The following CENPP variants were observed in gnomAD, a reference collection of about 807,000 sequenced individuals.
CENPP encodes the protein centromere protein P.
CENPP carries 24 observed loss-of-function variants against 35.6 expected under a neutral mutation model. That is an observed-to-expected ratio of 0.67 (90% CI 0.49 to 0.95). The LOEUF (loss-of-function observed/expected upper bound fraction) is 0.95. CENPP is among the 40% of genes least tolerant of loss of function. The pLI is 0.00. For synonymous variants in CENPP, 120 were observed against 125.5 expected (o/e 0.96, Z 0.29); for missense variants, 332 against 345.3 (o/e 0.96, Z 0.31).
intron 5 of CENPP, among the ~76,000 whole-genome samples, chr9:92,494,501 C>A (rs924356097): frequency 3.3e-5 from 5 of 152,146 alleles, no homozygotes; most frequent in African/African-American, 9.7e-5. Context: ...TCCTAACAAC[C>A]TGCTATAAGT....
At chr9:92,441,849 G>A (rs1040947552) in intron 5 of CENPP, among the ~76,000 whole-genome samples, 6 of 152,116 alleles carry the variant, frequency 3.9e-5, no homozygotes, top group Non-Finnish European at 7.4e-5. Context: ...ACAGACAAAC[G>A]AGTTTAAAAA....
intron 5 of CENPP, among the ~76,000 whole-genome samples, chr9:92,603,380 T>A (rs1272189798): frequency 1.3e-5 from 2 of 152,224 alleles, no homozygotes; most frequent in Non-Finnish European, 2.9e-5. Context: ...TGAGGGCAGA[T>A]CATTGTTCTT....
chr9:92,330,666 A>T (rs1840713356), intron 1 of CENPP, among the ~76,000 whole-genome samples: 1 of 149,552 alleles, frequency 6.7e-6, no homozygotes, highest in Admixed American at 6.7e-5. Flanking sequence ...AAAAAAGTTT[A>T]AGTTTTTTTT....
At chr9:92,441,563 A>T (rs1844387536) in intron 5 of CENPP, among the ~76,000 whole-genome samples, 1 of 152,166 alleles carries the variant, frequency 6.6e-6, no homozygotes, top group South Asian at 2.1e-4. Context: ...GTTCAAGACC[A>T]GCCTGAGCAA....
intron 5 of CENPP, among the ~76,000 whole-genome samples, chr9:92,519,389 A>ATCTCAC (rs1006237629): frequency 2.6e-4 from 40 of 152,296 alleles, no homozygotes; most frequent in African/African-American, 9.6e-4. Context: ...AAAGTTGGAG[A>ATCTCAC]TCTCACACTT....
At chr9:92,408,623 G>T (rs1242552696) in intron 5 of CENPP, among the ~76,000 whole-genome samples, 1 of 152,076 alleles carries the variant, frequency 6.6e-6, no homozygotes, top group Non-Finnish European at 1.5e-5. Flanking sequence ...CTGCACTACT[G>T]ACATTTTGGA....
intron 5 of CENPP, among the ~76,000 whole-genome samples, chr9:92,465,271 AT>A (rs1845262586): frequency 6.6e-6 from 1 of 152,232 alleles, no homozygotes; most frequent in Non-Finnish European, 1.5e-5. Flanking sequence ...TTCACTTTGA[AT>A]TACCATATCA....
intron 5 of CENPP, among the ~76,000 whole-genome samples, chr9:92,492,133 A>G (rs1295547948): frequency 6.6e-6 from 1 of 152,206 alleles, no homozygotes; most frequent in African/African-American, 2.4e-5. Context: ...CCCCACCTAA[A>G]TTAGTAAAAT....
chr9:92,560,017 A>G (rs1172839391), intron 5 of CENPP, among the ~76,000 whole-genome samples: 2 of 152,102 alleles, frequency 1.3e-5, no homozygotes, highest in East Asian at 1.9e-4. Context: ...GCACATAACT[A>G]TAGTCCCTGC....
intron 5 of CENPP, chr9:92,600,309 T>C: frequency 1.3e-6 from 2 of 1,488,268 alleles, no homozygotes; most frequent in Non-Finnish European, 1.8e-6. Context: ...CCATTATTCA[T>C]GCTTGCATTT....
intron 5 of CENPP, among the ~76,000 whole-genome samples, chr9:92,536,382 T>C (rs918857561): frequency 1.3e-5 from 2 of 152,156 alleles, no homozygotes; most frequent in African/African-American, 2.4e-5. Context: ...AGGGATGATA[T>C]TCTCGTCAGC....
intron 5 of CENPP, among the ~76,000 whole-genome samples, chr9:92,583,629 T>G (rs914802083): frequency 2.1e-5 from 3 of 145,808 alleles, no homozygotes; most frequent in Admixed American, 2.0e-4. Flanking sequence ...AGGAGTGGGG[T>G]TTTTTTTTTC....
chr9:92,501,195 T>G (rs1846651001), intron 5 of CENPP: 2 of 829,038 alleles, frequency 2.4e-6, no homozygotes, highest in Non-Finnish European at 3.7e-6. Flanking sequence ...TAGGAACTTT[T>G]CCAGGTATAG....
At chr9:92,549,139 A>T (rs908733564) in intron 5 of CENPP, among the ~76,000 whole-genome samples, 5 of 152,292 alleles carry the variant, frequency 3.3e-5, no homozygotes, top group Non-Finnish European at 7.3e-5. Flanking sequence ...CTGCGGAGGG[A>T]GACAGAAGAG....
At chr9:92,443,485 G>T (rs1374259604) in intron 5 of CENPP, among the ~76,000 whole-genome samples, 2 of 152,080 alleles carry the variant, frequency 1.3e-5, no homozygotes, top group African/African-American at 4.8e-5. Flanking sequence ...TTGCTAAGAT[G>T]CCAGTTCTCT....
At chr9:92,514,904 C>G (rs1170604357) in intron 5 of CENPP, 6 of 1,613,568 alleles carry the variant, frequency 3.7e-6, no homozygotes, top group Non-Finnish European at 5.1e-6. Context: ...TGCTGGTGTG[C>G]CAGCCTCCTC....
intron 4 of CENPP, among the ~76,000 whole-genome samples, chr9:92,360,544 G>A (rs989787156): frequency 1.2e-4 from 19 of 152,018 alleles, no homozygotes; most frequent in African/African-American, 4.4e-4. Context: ...TTTAGCCTGG[G>A]AGACTGAGAC....
At chr9:92,491,316 G>T (rs926374509) in intron 5 of CENPP, among the ~76,000 whole-genome samples, 6 of 152,148 alleles carry the variant, frequency 3.9e-5, no homozygotes, top group African/African-American at 9.7e-5. Flanking sequence ...CGGGGGTTTT[G>T]TGGGGCTGGG....
At chr9:92,408,326 C>T (rs1362267599) in intron 5 of CENPP, among the ~76,000 whole-genome samples, 2 of 152,186 alleles carry the variant, frequency 1.3e-5, no homozygotes, top group Non-Finnish European at 1.5e-5. Flanking sequence ...GCTGGGACTA[C>T]AGGCATGCGC....
Sources: allele counts gnomAD v4.1 joint callset (sites outside exome capture counted in the v4.1 genomes callset), GRCh38; gene constraint gnomAD v4.1.1; transcripts MANE v1.5; gene names NCBI Gene and HGNC (gene_info 2026-07-23, HGNC 2026-07-21).